DHRS13: variants seen among roughly 807,000 people sequenced by gnomAD.
DHRS13 encodes the protein dehydrogenase/reductase 13.
Under a neutral mutation model 17.9 loss-of-function variants are expected in DHRS13, and 22 were observed. The observed-to-expected ratio is 1.23, with a 90% CI of 0.88 to 1.75. The LOEUF (loss-of-function observed/expected upper bound fraction) is 1.75, where lower values mean the gene tolerates loss of function less well. DHRS13 is among the 40% of genes most tolerant of loss of function. The pLI is 0.00. For missense variants in DHRS13, 483 were observed against 519.9 expected, an observed-to-expected ratio of 0.93 and a Z score of 0.69; for synonymous variants, 206 against 220.4, an observed-to-expected ratio of 0.93 and a Z score of 0.58.
Position 28,902,854 on chromosome 17 carries a change from T to C in DHRS13, c.91A>G (p.Met31Val), listed in dbSNP as rs577270353. ...NLVKAPPCGG[M>V]GNLRGRTAVV... The stretch of plus-strand genomic sequence containing the variant: ...GCCGTGCGGCCCCGCAGGTTGCCCA[T>C]GCCGCCGCACGGCGGGGCCTTCACC... Residue 31 changes from methionine (M) to valine (V), a missense_variant, in exon 1 of 5, where the codon ATG (methionine) becomes GTG (valine). Physicochemically the swap from Met to Val is conservative, Grantham distance 21. Transcript: ENST00000378895. This position sits in a 1 kb window ranked among gnomAD's most constrained non-coding sequence, Gnocchi z 4.0. 6.4e-6 allele frequency: 10 copies of C among 1,550,552 alleles called. No individual in the cohort carries two copies. In the African/African-American group the frequency reaches 7.1e-5, roughly 11 times the overall value.
rs2039779905 is a variant in DHRS13 at position 28,898,609 on chromosome 17, A to G, written c.966T>C (p.Asp322=). ...GLGPGEDAEP[D]EDPQSEDSEA... ...CTGAGTCCTCAGACTGGGGGTCTTC[A>G]TCGGGTTCAGCATCCTCCCCAGGCC... The change falls in exon 5 of 5, where the codon GAT becomes GAC. Residue 322 remains aspartate (D), a synonymous_variant. Coordinates refer to ENST00000378895, the MANE Select transcript of DHRS13 (RefSeq NM_144683.4). The G allele has an allele frequency of 6.2e-7, 1 of 1,613,504 alleles. No individual in the cohort carries two copies. The highest frequency in any genetic ancestry group is 8.5e-7 in the Non-Finnish European group (1 of 1,179,794).
At position 28,898,381 on chromosome 17, in the gene DHRS13, G is replaced by C; in HGVS notation, c.*60C>G. ...CCGTCAGTGTCCAGGGCATGGCCTC[G>C]CACACATCCGAGGTTTTCAAGGACC... On this transcript the variant is annotated 3_prime_UTR_variant, in exon 5 of 5. Coordinates refer to ENST00000378895, the MANE Select transcript of DHRS13 (RefSeq NM_144683.4). 4 of 1,522,394 alleles carry C rather than the reference G, an allele frequency of 2.6e-6. No homozygotes were observed. The highest frequency in any genetic ancestry group is 1.2e-5 in the South Asian group (1 of 80,428). 94.3% of individuals were successfully genotyped at this position (1,522,394 alleles called of 1,614,324 possible). A position where few individuals can be genotyped will look rare whatever the true frequency, so the allele number is the denominator to read the frequency against.
rs1263022973 is a variant in DHRS13, at chr17:28,898,822, A to G, written c.753T>C (p.Ala251=). The change falls in exon 5 of 5, where the codon GCT becomes GCC. Residue 251 remains alanine (A), a synonymous_variant. Transcript: ENST00000378895. ...CTCTTGGTGCCCGGAGCACCAGCCA[A>G]GCCAATGGGCGCAAAAGTGGGCGCA... The part of the protein sequence containing the change: ...GWLRPLLRPL[A]WLVLRAPRGG... 2 of 1,610,184 alleles carry G rather than the reference A, an allele frequency of 1.2e-6. No individual in the cohort carries two copies. The highest frequency in any genetic ancestry group is 1.7e-6 in the Non-Finnish European group (2 of 1,178,278).
Position 28,897,787 on chromosome 17 carries a change from G to A in DHRS13, c.*654C>T, listed in dbSNP as rs2039770705. 9.2e-6 allele frequency: 3 copies of A among 327,778 alleles called. No individual in the cohort carries two copies. Among genetic ancestry groups the A allele is most frequent in the African/African-American group, 2.2e-5 (1 of 45,904 alleles). 20.3% of individuals were successfully genotyped at this position (327,778 alleles called of 1,614,324 possible). A position where few individuals can be genotyped will look rare whatever the true frequency, so the allele number is the denominator to read the frequency against. ...AGGCAGGAGTGAGCGCAGCTTCGGC[G>A]GTCAACGCGCTTTATTCCGAGGGGC... is the stretch of plus-strand genomic sequence containing the variant. On this transcript the variant is annotated 3_prime_UTR_variant, in exon 5 of 5. Coordinates refer to ENST00000378895, the MANE Select transcript of DHRS13 (RefSeq NM_144683.4). The surrounding 1 kb of genome is among the most constrained non-coding windows in gnomAD (Gnocchi z 4.4).
rs756146638 is a variant in DHRS13 at position 28,898,797 on chromosome 17, CT to C, written c.777del (p.Gly261ValfsTer76). On this transcript the variant is annotated frameshift_variant, in exon 5 of 5. Coordinates refer to ENST00000378895, the MANE Select transcript of DHRS13 (RefSeq NM_144683.4). LOFTEE classifies it low-confidence loss of function (END_TRUNC). ...CAATACAGGGGTGTCTGGGCACCCC[CT>C]CTTGGTGCCCGGAGCACCAGCCAAG... is the stretch of plus-strand genomic sequence containing the variant. ...PLAWLVLRAP[R>X]GGAQTPLYCA... is the part of the protein sequence containing the mutation. The C allele has an allele frequency of 3.1e-6, 5 of 1,611,336 alleles. No individual in the cohort carries two copies. The African/African-American group carries it at 4.0e-5, about 13-fold the overall frequency.
At chr17:28,900,350 C>T (rs1475654193) in intron 4 of DHRS13, among the ~76,000 whole-genome samples, 1 of 152,190 alleles carries the variant, frequency 6.6e-6, no homozygotes, top group Non-Finnish European at 1.5e-5. Flanking sequence ...ATTATTTGCA[C>T]TGTTCTCTCT....
In DHRS13 at chr17:28,899,259, C is replaced by G. The variant is rs1275462532; in HGVS notation, c.683-367G>C. The G allele has an allele frequency of 5.1e-6, 1 of 197,380 alleles. No individual in the cohort carries two copies. The highest frequency in any genetic ancestry group is 2.4e-5 in the African/African-American group (1 of 42,138). 12.2% of individuals were successfully genotyped at this position (197,380 alleles called of 1,614,324 possible). Reference sequence around the variant, plus strand: ...TGTGTCCCATGTCTGAAACAATTCTCAGTCTCTCTCCATCTTTTCTTCTAG... The same window carrying G: ...TGTGTCCCATGTCTGAAACAATTCTGAGTCTCTCTCCATCTTTTCTTCTAG... On this transcript the variant is annotated intron_variant, in intron 4 of 4. Transcript: ENST00000378895. This position sits in a 1 kb window ranked among gnomAD's most constrained non-coding sequence, Gnocchi z 4.7.
rs777595807 is a variant in DHRS13 at position 28,898,559 on chromosome 17, G to A, written c.1016C>T (p.Pro339Leu). 4.6e-5 allele frequency: 74 copies of A among 1,612,168 alleles called. No individual in the cohort carries two copies. In the Admixed American group the frequency reaches 1.2e-3, roughly 27 times the overall value. ...AGAAACTGTGGGCTCCTCAGGGTGG[G>A]GGGTGCTTAGAGAAGATGGGGCCTC... ...DSEAPSSLST[P>L]HPEEPTVSQP... Residue 339 changes from proline to leucine, a missense_variant, in exon 5 of 5, where the codon CCC (proline) becomes CTC (leucine). Pro to Leu is a moderately conservative substitution (Grantham distance 98, BLOSUM62 -3). Coordinates refer to ENST00000378895, the MANE Select transcript of DHRS13 (RefSeq NM_144683.4).
At position 28,903,010 on chromosome 17, in the gene DHRS13, C is replaced by G. The variant is rs2039820450; in HGVS notation, c.-66G>C. Reference sequence around the variant, plus strand: ...CCCTGGATCGCCGCCAGGCGGCTGCCGATCCGCCCTGCACAGGCCTGGAAC... The same window carrying G: ...CCCTGGATCGCCGCCAGGCGGCTGCGGATCCGCCCTGCACAGGCCTGGAAC... On this transcript the variant is annotated 5_prime_UTR_variant, in exon 1 of 5. Coordinates refer to ENST00000378895, the MANE Select transcript of DHRS13 (RefSeq NM_144683.4). The surrounding 1 kb of genome is among the most constrained non-coding windows in gnomAD (Gnocchi z 4.8). 6 of 1,334,556 alleles carry G rather than the reference C, an allele frequency of 4.5e-6. No individual in the cohort carries two copies. Among genetic ancestry groups the G allele is most frequent in the Non-Finnish European group, 4.8e-6 (5 of 1,045,514 alleles). 82.7% of individuals were successfully genotyped at this position (1,334,556 alleles called of 1,614,324 possible). A position where few individuals can be genotyped will look rare whatever the true frequency, so the allele number is the denominator to read the frequency against.
At position 28,901,348 on chromosome 17, in the gene DHRS13, C is replaced by A. The variant is rs1370124540; in HGVS notation, c.371-47G>T. On this transcript the variant is annotated intron_variant, in intron 3 of 4. Transcript: ENST00000378895. This position sits in a 1 kb window ranked among gnomAD's most constrained non-coding sequence, Gnocchi z 4.3. The stretch of plus-strand genomic sequence containing the variant: ...AGCGGCTGCTCCAGAAGGAGCTCTG[C>A]AGCCTTGGCATCCCTATCTATGAGA... The A allele has an allele frequency of 2.5e-6, 4 of 1,581,160 alleles. No individual in the cohort carries two copies. The African/African-American group carries it at 4.0e-5, about 16-fold the overall frequency.
Position 28,902,703 on chromosome 17 carries a change from T to G in DHRS13, c.128-2A>C. ...TCTTTCCGATGCCGCTGTTGGCGCC[T>G]GCGGACCGCGGGCGGGAGCCGAGCT... On this transcript the variant is annotated splice_acceptor_variant, in intron 1 of 4. Transcript: ENST00000378895. LOFTEE classifies it high-confidence loss of function. The surrounding 1 kb of genome is among the most constrained non-coding windows in gnomAD (Gnocchi z 4.0). 7.4e-7 allele frequency: 1 copy of G among 1,359,432 alleles called. No homozygotes were observed. The allele number at this position is 1,359,432 out of a possible 1,614,324, so 84.2% of individuals were successfully genotyped here.
intron 4 of DHRS13, among the ~76,000 whole-genome samples, chr17:28,900,386 C>T (rs1028384721): frequency 1.3e-5 from 2 of 152,200 alleles, no homozygotes; most frequent in Non-Finnish European, 2.9e-5. Context: ...CCCAGTGAGC[C>T]ATGTATCTTT....
At chr17:28,900,388 T>C (rs2039796047) in intron 4 of DHRS13, among the ~76,000 whole-genome samples, 1 of 152,240 alleles carries the variant, frequency 6.6e-6, no homozygotes, top group African/African-American at 2.4e-5. Flanking sequence ...CAGTGAGCCA[T>C]GTATCTTTCA....
chr17:28,902,209 C>T lies in DHRS13; in HGVS notation c.246+374G>A, dbSNP rs1035858278. ...TCCAGCCCCCTCATTTGCCCATCTTCCTCATACTTTGTGCTCCAGCCTCAT... is the reference window on the plus strand; with the variant it reads ...TCCAGCCCCCTCATTTGCCCATCTTTCTCATACTTTGTGCTCCAGCCTCAT... On this transcript the variant is annotated intron_variant, in intron 2 of 4. Coordinates refer to ENST00000378895, the MANE Select transcript of DHRS13 (RefSeq NM_144683.4). The surrounding 1 kb of genome is among the most constrained non-coding windows in gnomAD (Gnocchi z 4.0). 55 of 183,690 alleles carry T rather than the reference C, an allele frequency of 3.0e-4. No individual in the cohort carries two copies. The highest frequency in any genetic ancestry group is 8.1e-4 in the Admixed American group (13 of 16,088). The allele number at this position is 183,690 out of a possible 1,614,324, so 11.4% of individuals were successfully genotyped here. A position where few individuals can be genotyped will look rare whatever the true frequency, so the allele number is the denominator to read the frequency against.
At position 28,901,155 on chromosome 17, in the gene DHRS13, G is replaced by T. The variant is rs751748998; in HGVS notation, c.517C>A (p.His173Asn). 5 of 1,614,180 alleles carry T rather than the reference G, an allele frequency of 3.1e-6. No homozygotes were observed. The East Asian group carries it at 8.9e-5, about 29-fold the overall frequency. Residue 173 changes from histidine to asparagine, a missense_variant, in exon 4 of 5, where the codon CAC (histidine) becomes AAC (asparagine). His to Asn is a moderately conservative substitution (Grantham distance 68). Transcript: ENST00000378895. This position sits in a 1 kb window ranked among gnomAD's most constrained non-coding sequence, Gnocchi z 4.3. ...TTGAAGTCAAGACGTCCCCGACAGT[G>T]GGCAGCTGAGGCTACCACCACCACG... ...SRVVVVASAA[H>N]CRGRLDFKRL...
chr17:28,901,601 C>T lies in DHRS13; in HGVS notation c.262G>A (p.Glu88Lys). ...AAGTCCAAGGCCATGAAGATGACCT[C>T]ATTGTTCCCACTCTCCTGTGGAGAG... ...FDLRQESGNN[E>K]VIFMALDLAS... Residue 88 changes from glutamate to lysine, a missense_variant, in exon 3 of 5, where the codon GAG becomes AAG. By Grantham distance (56) the Glu-to-Lys change is moderately conservative. Coordinates refer to ENST00000378895, the MANE Select transcript of DHRS13 (RefSeq NM_144683.4). This position sits in a 1 kb window ranked among gnomAD's most constrained non-coding sequence, Gnocchi z 4.3. 6.2e-7 allele frequency: 1 copy of T among 1,614,250 alleles called. No homozygotes were observed.
At position 28,902,701 on chromosome 17, in the gene DHRS13, C is replaced by A; in HGVS notation, c.128G>T (p.Gly43Val). The A allele has an allele frequency of 7.3e-7, 1 of 1,361,244 alleles. No individual in the cohort carries two copies. The highest frequency in any genetic ancestry group is 1.7e-5 in the South Asian group (1 of 57,216). The allele number at this position is 1,361,244 out of a possible 1,614,324, so 84.3% of individuals were successfully genotyped here. A position where few individuals can be genotyped will look rare whatever the true frequency, so the allele number is the denominator to read the frequency against. The change falls in exon 2 of 5, where the codon GGC becomes GTC. Residue 43 changes from glycine (G) to valine (V), a missense_variant and splice_region_variant. Gly to Val is a moderately radical substitution (Grantham distance 109, BLOSUM62 -3). Coordinates refer to ENST00000378895, the MANE Select transcript of DHRS13 (RefSeq NM_144683.4). This position sits in a 1 kb window ranked among gnomAD's most constrained non-coding sequence, Gnocchi z 4.0. ...CATCTTTCCGATGCCGCTGTTGGCG[C>A]CTGCGGACCGCGGGCGGGAGCCGAG... is the stretch of plus-strand genomic sequence containing the variant. The part of the protein sequence containing the change: ...NLRGRTAVVT[G>V]ANSGIGKMTA...
Position 28,902,456 on chromosome 17 carries a change from T to C in DHRS13, c.246+127A>G. On this transcript the variant is annotated intron_variant, in intron 2 of 4. Transcript: ENST00000378895. This position sits in a 1 kb window ranked among gnomAD's most constrained non-coding sequence, Gnocchi z 4.0. ...ACCCCAGCGCTCCGTGCACTCCCTCTTCGCGCTCAGCCGCCCGCGCCGCGC... is the reference window on the plus strand; with the variant it reads ...ACCCCAGCGCTCCGTGCACTCCCTCCTCGCGCTCAGCCGCCCGCGCCGCGC... 1 of 1,051,576 alleles carries C rather than the reference T, an allele frequency of 9.5e-7. No homozygotes were observed. Among genetic ancestry groups the C allele is most frequent in the Non-Finnish European group, 1.3e-6 (1 of 786,740 alleles). 65.1% of individuals were successfully genotyped at this position (1,051,576 alleles called of 1,614,324 possible).
rs1326484662 is a variant in DHRS13 at position 28,901,544 on chromosome 17, T to C, written c.319A>G (p.Thr107Ala). 2 of 1,614,014 alleles carry C rather than the reference T, an allele frequency of 1.2e-6. No individual in the cohort carries two copies. The highest frequency in any genetic ancestry group is 2.7e-5 in the African/African-American group (2 of 74,914). The change falls in exon 3 of 5, where the codon ACT (threonine) becomes GCT (alanine). Residue 107 changes from threonine (T) to alanine (A), a missense_variant. Thr to Ala is a moderately conservative substitution (Grantham distance 58). Transcript: ENST00000378895. The surrounding 1 kb of genome is among the most constrained non-coding windows in gnomAD (Gnocchi z 4.3). ...CGTGGCTCAGAGCTCAGAAAGGCAG[T>C]GGCAAAGGCCCGCACCGAGGCCAGA... is the stretch of plus-strand genomic sequence containing the variant. Reference protein sequence around the residue: ...ASLASVRAFATAFLSSEPRLD... With the variant: ...ASLASVRAFAAAFLSSEPRLD...
Sources: gnomAD v4.1 joint callset for allele counts (sites outside exome capture counted in the v4.1 genomes callset) on GRCh38, gnomAD v4.1.1 for gene constraint, Gnocchi (gnomAD v3.1) non-coding constraint, MANE v1.5 for transcripts, NCBI Gene and HGNC (gene_info 2026-07-23, HGNC 2026-07-21) for gene names.